The following EXT2 variants were observed in gnomAD, a reference collection of about 807,000 sequenced individuals.
The protein encoded by EXT2 is exostosin glycosyltransferase 2.
Under a neutral mutation model 81.6 loss-of-function variants are expected in EXT2, and 53 were observed. That is an observed-to-expected ratio of 0.65 (90% confidence interval 0.52 to 0.82). The LOEUF (loss-of-function observed/expected upper bound fraction) is 0.82, where lower values mean the gene tolerates loss of function less well. Among genes scored for constraint, EXT2 ranks in the 40% least tolerant of loss-of-function variants. The pLI is 0.00. For missense variants in EXT2, 774 were observed against 910.2 expected (o/e 0.85, Z 1.93); for synonymous variants, 320 against 340.0 (o/e 0.94, Z 0.65).
chr11:44,231,444 T>C (rs540091539), intron 10 of EXT2, among the ~76,000 whole-genome samples: 3 of 152,262 alleles, frequency 2.0e-5, no homozygotes, highest in African/African-American at 7.2e-5. Context: ...AACTAAGTGG[T>C]TGGCTATCTT....
At chr11:44,164,751 A>G (rs1954969751) in intron 7 of EXT2, among the ~76,000 whole-genome samples, 1 of 152,190 alleles carries the variant, frequency 6.6e-6, no homozygotes, top group Admixed American at 6.5e-5. Context: ...GAAAGTTTAA[A>G]TGCTTTGTTC....
chr11:44,175,541 G>A (rs556977670), intron 8 of EXT2, among the ~76,000 whole-genome samples: 2 of 152,210 alleles, frequency 1.3e-5, no homozygotes, highest in African/African-American at 4.8e-5. Context: ...ATCATCTGCA[G>A]ATTTATACAG....
chr11:44,173,119 G>C (rs1004217128), intron 8 of EXT2, among the ~76,000 whole-genome samples: 6 of 152,188 alleles, frequency 3.9e-5, no homozygotes. Flanking sequence ...GAATGTAGAG[G>C]TCCTGTAGTG....
At chr11:44,103,561 T>G in intron 1 of EXT2, 2 of 380,052 alleles carry the variant, frequency 5.3e-6, no homozygotes, top group South Asian at 4.0e-5. Flanking sequence ...TGTTTCCTCT[T>G]TTTTTTCTGA....
At position 44,122,682 on chromosome 11, in the gene EXT2, TG is replaced by T. The variant is rs1471756061; in HGVS notation, c.744-2104del. 6.6e-5 allele frequency among the ~76,000 whole-genome samples: 10 copies of T among 152,332 alleles called. No individual in the cohort carries two copies. The East Asian group carries it at 1.9e-3, about 29-fold the overall frequency. On this transcript the variant is annotated intron_variant, in intron 4 of 13. Transcript: ENST00000533608. The stretch of plus-strand genomic sequence containing the variant: ...CAGCTGATCCAAACCATCTCCCTGC[TG>T]GGTTGCTGTTGTATATCTTTCTTAT...
chr11:44,193,439 T>C (rs1955417735), intron 8 of EXT2, among the ~76,000 whole-genome samples: 1 of 152,224 alleles, frequency 6.6e-6, no homozygotes, highest in Admixed American at 6.5e-5. Context: ...TAAGTAATAC[T>C]ACCTAGAAAG....
intron 1 of EXT2, among the ~76,000 whole-genome samples, chr11:44,098,649 G>A (rs1340461569): frequency 7.0e-6 from 1 of 143,550 alleles, no homozygotes; most frequent in African/African-American, 2.6e-5. Flanking sequence ...GAGCCGAGAT[G>A]ACACCACTGC....
At position 44,096,224 on chromosome 11, in the gene EXT2, G is replaced by A. The variant is rs971896368; in HGVS notation, c.-31+372G>A. 1.5e-5 allele frequency: 23 copies of A among 1,534,728 alleles called. No individual in the cohort carries two copies. The Middle Eastern group carries it at 6.7e-4, about 44-fold the overall frequency. On this transcript the variant is annotated intron_variant, in intron 1 of 13. Coordinates refer to ENST00000533608, the MANE Select transcript of EXT2 (RefSeq NM_207122.2). ...CCTTCCTGCTGCCACCTTCCCGCCA[G>A]CCACAGGGATCTGATTCCTCCCAGG... is the stretch of plus-strand genomic sequence containing the variant.
intron 8 of EXT2, 88 bp from the exon 9 acceptor site, chr11:44,197,741 C>T: frequency 7.2e-7 from 1 of 1,380,586 alleles, no homozygotes; most frequent in Non-Finnish European, 1.0e-6. Context: ...AGCCACCAAG[C>T]CTGCCATGTT....
chr11:44,226,976 G>A (rs1955844600), intron 10 of EXT2, among the ~76,000 whole-genome samples: 1 of 152,202 alleles, frequency 6.6e-6, no homozygotes, highest in South Asian at 2.1e-4. Flanking sequence ...TTCTTAGTCT[G>A]TCTCTTGGTT....
rs75366158 is a variant in EXT2, at chr11:44,126,367, C to T, written c.940-449C>T. Among the ~76,000 whole-genome samples, 58 of 152,256 alleles carry T rather than the reference C, an allele frequency of 3.8e-4. No individual in the cohort carries two copies. The East Asian group carries it at 6.0e-3, about 16-fold the overall frequency. On this transcript the variant is annotated intron_variant, in intron 5 of 13. Transcript: ENST00000533608. ...CATGAAAAGAGATTTGATACCTTCC[C>T]TTTAGGGGGTCTTGTAGAAAGCCTG...
chr11:44,232,269 C>T, intron 10 of EXT2, 84 bp from the exon 11 acceptor site: 1 of 1,575,314 alleles, frequency 6.3e-7, no homozygotes, highest in Non-Finnish European at 8.7e-7. Flanking sequence ...CCTAGGAAGT[C>T]TGTTGATACC....
intron 4 of EXT2, among the ~76,000 whole-genome samples, chr11:44,124,299 T>G (rs1954363133): frequency 6.6e-6 from 1 of 152,134 alleles, no homozygotes; most frequent in Non-Finnish European, 1.5e-5. Context: ...CCAGAGCCCT[T>G]CAGTTGCCTG....
chr11:44,224,502 T>C (rs1360054057), intron 10 of EXT2, among the ~76,000 whole-genome samples: 2 of 152,184 alleles, frequency 1.3e-5, no homozygotes, highest in African/African-American at 2.4e-5. Flanking sequence ...AAATCATTTT[T>C]TGGAAATAGA....
Position 44,244,849 on chromosome 11 carries a change from G to A in EXT2, c.*562G>A. On this transcript the variant is annotated 3_prime_UTR_variant, in exon 14 of 14. Transcript: ENST00000533608. ...GTGCACAGGAAGAGCACCAGCCGCT[G>A]AGTCAGGATCCTGTCAGTTCCATGA... The A allele has an allele frequency of 4.2e-6, 1 of 238,792 alleles. No homozygotes were observed. The highest frequency in any genetic ancestry group is 6.0e-5 in the East Asian group (1 of 16,756). The allele number at this position is 238,792 out of a possible 1,614,324, so 14.8% of individuals were successfully genotyped here. A position where few individuals can be genotyped will look rare whatever the true frequency, so the allele number is the denominator to read the frequency against.
At chr11:44,208,436 A>G (rs533788047) in intron 10 of EXT2, among the ~76,000 whole-genome samples, 1 of 152,332 alleles carries the variant, frequency 6.6e-6, no homozygotes, top group South Asian at 2.1e-4. Flanking sequence ...GTTTGTTTTA[A>G]GCAACTAAGA....
Position 44,104,949 on chromosome 11 carries a change from C to T in EXT2, c.-30-2734C>T, listed in dbSNP as rs1954034299. On this transcript the variant is annotated intron_variant, in intron 1 of 13. Transcript: ENST00000533608. Reference sequence around the variant, plus strand: ...TCCAAAGATGATAATCTTTTAAGCTCAAAATGTATGAATTTTCATGTATTA... The same window carrying T: ...TCCAAAGATGATAATCTTTTAAGCTTAAAATGTATGAATTTTCATGTATTA... 3.9e-5 allele frequency among the ~76,000 whole-genome samples: 6 copies of T among 152,276 alleles called. No homozygotes were observed. In the South Asian group the frequency reaches 1.2e-3, roughly 32 times the overall value.
chr11:44,206,968 G>A lies in EXT2; in HGVS notation c.1662+9G>A, dbSNP rs2135205317. 2 of 1,613,560 alleles carry A rather than the reference G, an allele frequency of 1.2e-6. No homozygotes were observed. Among genetic ancestry groups the A allele is most frequent in the Non-Finnish European group, 8.5e-7 (1 of 1,179,622 alleles). ...TGCAATTTGGTTATGAGGTAAGGAGGTTTTACACAGTGTGTTTATATGTTT... is the reference window on the plus strand; with the variant it reads ...TGCAATTTGGTTATGAGGTAAGGAGATTTTACACAGTGTGTTTATATGTTT... On this transcript the variant is annotated intron_variant, in intron 10 of 13. Transcript: ENST00000533608.
At chr11:44,148,993 CT>C (rs1489861508) in intron 7 of EXT2, among the ~76,000 whole-genome samples, 4 of 152,102 alleles carry the variant, frequency 2.6e-5, no homozygotes, top group African/African-American at 9.7e-5. Flanking sequence ...CTTGTCCTGC[CT>C]TTTTGTAATG....
Sources: allele counts gnomAD v4.1 joint callset (sites outside exome capture counted in the v4.1 genomes callset), GRCh38; gene constraint gnomAD v4.1.1; transcripts MANE v1.5; gene names NCBI Gene and HGNC (gene_info 2026-07-23, HGNC 2026-07-21).